RTTN: variants seen among roughly 807,000 people sequenced by gnomAD.
RTTN encodes rotatin.
RTTN carries 182 observed loss-of-function variants against 269.2 expected under a neutral mutation model. The observed-to-expected ratio is 0.68, with a 90% CI of 0.60 to 0.76. The LOEUF (loss-of-function observed/expected upper bound fraction) is 0.76. Ranked by LOEUF, RTTN falls within the 30% of genes least tolerant of loss-of-function variation. RTTN has a pLI of 0.00. For synonymous variants in RTTN, 1,006 were observed against 963.5 expected, an observed-to-expected ratio of 1.04 and a Z score of -0.82; for missense variants, 2,545 against 2,608.6, an observed-to-expected ratio of 0.98 and a Z score of 0.53.
At chr18:70,124,980 A>G (rs2059828137) in intron 25 of RTTN, among the ~76,000 whole-genome samples, 1 of 152,116 alleles carries the variant, frequency 6.6e-6, no homozygotes, top group African/African-American at 2.4e-5. Flanking sequence ...ACAACTTGTA[A>G]TCCTACTAAA....
At chr18:70,037,645 G>A (rs2144684560) in intron 40 of RTTN, among the ~76,000 whole-genome samples, 1 of 152,222 alleles carries the variant, frequency 6.6e-6, no homozygotes, top group South Asian at 2.1e-4. Flanking sequence ...CTTGGGCTCT[G>A]GGACGTGCTG....
chr18:70,116,419 G>A (rs1017590038), intron 26 of RTTN, among the ~76,000 whole-genome samples: 2 of 151,170 alleles, frequency 1.3e-5, no homozygotes, highest in African/African-American at 2.4e-5. Flanking sequence ...GATTACTGAA[G>A]TTTTTTTTTC....
At chr18:70,074,677 T>C (rs2058382421) in intron 33 of RTTN, 1 of 151,786 alleles carries the variant, frequency 6.6e-6, no homozygotes, top group East Asian at 1.9e-4. Context: ...TATGGCAAGA[T>C]TCTAAAAAAT....
chr18:70,030,219 A>C (rs1395316050), intron 41 of RTTN, 110 bp from the exon 42 acceptor site: 16 of 686,596 alleles, frequency 2.3e-5, no homozygotes, highest in Non-Finnish European at 3.8e-5. Context: ...TTTCTGACCC[A>C]CTTCATTTTA....
At chr18:70,100,196 T>C (rs1197894135) in intron 28 of RTTN, among the ~76,000 whole-genome samples, 1 of 152,272 alleles carries the variant, frequency 6.6e-6, no homozygotes, top group Non-Finnish European at 1.5e-5. Flanking sequence ...ATGATATTGA[T>C]TCTTCCTATC....
At chr18:70,199,048 G>C (rs117667590) in intron 5 of RTTN, among the ~76,000 whole-genome samples, 2,751 of 152,238 alleles carry the variant, frequency 0.018, 44 homozygotes, top group Non-Finnish European at 0.028. Context: ...TTAGCTCAGC[G>C]TGGTGGTGCG....
At chr18:70,073,628 C>T (rs1483737366) in intron 34 of RTTN, among the ~76,000 whole-genome samples, 1 of 152,062 alleles carries the variant, frequency 6.6e-6, no homozygotes, top group African/African-American at 2.4e-5. Context: ...CAAGACACAC[C>T]CTGGTTCAAA....
intron 14 of RTTN, among the ~76,000 whole-genome samples, chr18:70,157,187 C>A (rs956895062): frequency 6.6e-6 from 1 of 152,188 alleles, no homozygotes; most frequent in African/African-American, 2.4e-5. Flanking sequence ...CCACGCCCCC[C>A]CAGAGCACTT....
intron 8 of RTTN, 65 bp from the exon 9 acceptor site, chr18:70,190,784 T>A: frequency 8.8e-7 from 1 of 1,135,376 alleles, no homozygotes; most frequent in East Asian, 2.4e-5. Context: ...TTACTGCATA[T>A]CTGCTGCCTC....
rs1295707004 is a variant in RTTN at position 70,076,633 on chromosome 18, T to C, written c.4375-1092A>G. ...TATGACTATGAAGTTGTTACTGCTGTGTTGTAATAAATCTACCAACACTGT... is the reference window on the plus strand; with the variant it reads ...TATGACTATGAAGTTGTTACTGCTGCGTTGTAATAAATCTACCAACACTGT... On this transcript the variant is annotated intron_variant, in intron 32 of 48. Transcript: ENST00000640769. 2.0e-5 allele frequency among the ~76,000 whole-genome samples: 3 copies of C among 152,052 alleles called. No individual in the cohort carries two copies. The East Asian group carries it at 5.8e-4, about 29-fold the overall frequency.
intron 28 of RTTN, among the ~76,000 whole-genome samples, chr18:70,097,673 CT>C (rs1369491118): frequency 6.6e-6 from 1 of 152,306 alleles, no homozygotes; most frequent in East Asian, 1.9e-4. Context: ...AGGGACTGTG[CT>C]TTTTATGTAT....
intron 23 of RTTN, among the ~76,000 whole-genome samples, chr18:70,133,351 A>G (rs375458554): frequency 1.4e-4 from 21 of 152,282 alleles, no homozygotes; most frequent in East Asian, 1.2e-3. Flanking sequence ...AAATCAGCAC[A>G]ACAACTTCGT....
intron 26 of RTTN, among the ~76,000 whole-genome samples, chr18:70,115,048 A>G (rs998178721): frequency 6.6e-5 from 10 of 152,094 alleles, no homozygotes; most frequent in African/African-American, 2.4e-4. Context: ...TTGTTTTTCA[A>G]CAATAAGGAT....
Position 70,032,423 on chromosome 18 carries a change from C to G in RTTN, c.5542-1442G>C, listed in dbSNP as rs565984851. Among the ~76,000 whole-genome samples, 9 of 152,296 alleles carry G rather than the reference C, an allele frequency of 5.9e-5. No homozygotes were observed. The South Asian group carries it at 1.0e-3, about 18-fold the overall frequency. ...CTGCAGCCTCCTTCATGCCGCCTTG[C>G]CTGCAGGCACTCACCCATCTCATGC... is the stretch of plus-strand genomic sequence containing the variant. On this transcript the variant is annotated intron_variant, in intron 40 of 48. Transcript: ENST00000640769.
chr18:70,056,358 T>A (rs935861062), intron 37 of RTTN, among the ~76,000 whole-genome samples: 1 of 152,146 alleles, frequency 6.6e-6, no homozygotes, highest in African/African-American at 2.4e-5. Context: ...CTTGGACAAG[T>A]CACTCATCTC....
intron 35 of RTTN, chr18:70,061,356 C>T (rs1262946012): frequency 4.4e-6 from 2 of 456,072 alleles, no homozygotes; most frequent in Admixed American, 2.4e-5. Context: ...GTTCTTTCCT[C>T]GTCCAAGCTC....
Position 70,005,240 on chromosome 18 carries a change from C to A in RTTN, c.6553G>T (p.Val2185Leu). The change falls in exon 48 of 49, where the codon GTA becomes TTA. Residue 2185 changes from valine (V) to leucine (L), a missense_variant. Physicochemically the swap from Val to Leu is conservative, Grantham distance 32 (BLOSUM62 1). Transcript: ENST00000640769. ...KAKTALKSPSVKRRVDEAYSL... is the reference protein window; with the variant it reads ...KAKTALKSPSLKRRVDEAYSL... Reference sequence around the variant, plus strand: ...TATGCTTCATCCACTCTTCTTTTTACTGATGGGCTTTTCAAAGCTGTTTTT... The same window carrying A: ...TATGCTTCATCCACTCTTCTTTTTAATGATGGGCTTTTCAAAGCTGTTTTT... 1 of 1,612,782 alleles carries A rather than the reference C, an allele frequency of 6.2e-7. No individual in the cohort carries two copies. Among genetic ancestry groups the A allele is most frequent in the Non-Finnish European group, 8.5e-7 (1 of 1,179,288 alleles).
At chr18:70,132,749 C>A (rs1207885856) in intron 23 of RTTN, among the ~76,000 whole-genome samples, 1 of 151,922 alleles carries the variant, frequency 6.6e-6, no homozygotes, top group African/African-American at 2.4e-5. Flanking sequence ...TTGAAAAACA[C>A]AGAAGGAAGA....
In RTTN at chr18:70,029,933, AGCTCGT is replaced by A; in HGVS notation, c.5745+73_5745+78del. 2 of 959,132 alleles carry A rather than the reference AGCTCGT, an allele frequency of 2.1e-6. 1 individual carries two copies. The highest frequency in any genetic ancestry group is 3.0e-5 in the South Asian group (2 of 67,024). The allele number at this position is 959,132 out of a possible 1,614,324, so 59.4% of individuals were successfully genotyped here. A position where few individuals can be genotyped will look rare whatever the true frequency, so the allele number is the denominator to read the frequency against. On this transcript the variant is annotated intron_variant, in intron 42 of 48. Transcript: ENST00000640769. Reference sequence around the variant, plus strand: ...TCTTCTAAATGAGACACTCATTTCAAGCTCGTGCTCATTTCTAGGCACAAGAGGACT... The same window carrying A: ...TCTTCTAAATGAGACACTCATTTCAAGCTCATTTCTAGGCACAAGAGGACT...
Sources: gnomAD v4.1 joint callset for allele counts (sites outside exome capture counted in the v4.1 genomes callset) on GRCh38, gnomAD v4.1.1 for gene constraint, MANE v1.5 for transcripts, NCBI Gene and HGNC (gene_info 2026-07-23, HGNC 2026-07-21) for gene names.